CNTNAP2: variants seen among roughly 807,000 people sequenced by gnomAD.
CNTNAP2 encodes contactin-associated protein-like 2.
Under a neutral mutation model 155.2 loss-of-function variants are expected in CNTNAP2, and 98 were observed. The ratio of observed to expected loss-of-function variants is 0.63; its 90% CI spans 0.54 to 0.75. The LOEUF (loss-of-function observed/expected upper bound fraction) is 0.75, where lower values mean the gene tolerates loss of function less well. CNTNAP2 is among the 30% of genes least tolerant of loss of function. The probability of loss-of-function intolerance (pLI) is 0.00; values close to 1 mark genes in which losing one functional copy is unlikely to be tolerated. For synonymous variants in CNTNAP2, 651 were observed against 631.2 expected (o/e 1.03, Z -0.47); for missense variants, 1,727 against 1,688.1 (o/e 1.02, Z -0.40).
chr7:146,884,088 T>C (rs1197539342), intron 3 of CNTNAP2, among the ~76,000 whole-genome samples: 2 of 152,116 alleles, frequency 1.3e-5, no homozygotes, highest in Non-Finnish European at 2.9e-5. Context: ...TAATTGTCCC[T>C]GGGTATATGC....
intron 8 of CNTNAP2, among the ~76,000 whole-genome samples, chr7:147,148,389 CAAAAA>C (rs5888239): frequency 2.4e-5 from 2 of 81,712 alleles, no homozygotes; most frequent in Non-Finnish European, 4.8e-5. Context: ...GACTCCGTCT[CAAAAA>C]AAAAAAAAAA....
At chr7:148,255,910 C>T (rs1429238569) in intron 20 of CNTNAP2, among the ~76,000 whole-genome samples, 1 of 152,172 alleles carries the variant, frequency 6.6e-6, no homozygotes, top group African/African-American at 2.4e-5. Context: ...CTACCACTTC[C>T]AGTCCAGGAA....
intron 1 of CNTNAP2, among the ~76,000 whole-genome samples, chr7:146,664,332 T>A (rs2129166689): frequency 6.6e-6 from 1 of 152,022 alleles, no homozygotes; most frequent in Admixed American, 6.5e-5. Context: ...GGGCTAATTT[T>A]GTATTTTCAG....
chr7:146,966,872 G>A (rs1272976137), intron 3 of CNTNAP2, among the ~76,000 whole-genome samples: 13 of 152,156 alleles, frequency 8.5e-5, no homozygotes, highest in Admixed American at 7.9e-4. Flanking sequence ...TGTAAAAGAG[G>A]TATTTAATAG....
At chr7:147,367,329 C>T (rs935100112) in intron 9 of CNTNAP2, among the ~76,000 whole-genome samples, 62 of 152,106 alleles carry the variant, frequency 4.1e-4, no homozygotes, top group East Asian at 1.9e-4. Flanking sequence ...TTAATGAAAA[C>T]GAGTGTTTGG....
chr7:147,903,702 G>A lies in CNTNAP2; in HGVS notation c.2236G>A (p.Asp746Asn), dbSNP rs1345397568. Residue 746 changes from aspartate (D) to asparagine (N), a missense_variant, in exon 14 of 24, where the codon GAC becomes AAC. Asp to Asn is a conservative substitution (Grantham distance 23). Transcript: ENST00000361727. ...AGATCCCAAGTACTACTGTAACTGC[G>A]ACGCGGACTACAAGCAATGGTGAGT... Reference protein sequence around the residue: ...CTDPKYYCNCDADYKQWRKDA... With the variant: ...CTDPKYYCNCNADYKQWRKDA... 1.9e-6 allele frequency: 3 copies of A among 1,613,834 alleles called. No homozygotes were observed. The highest frequency in any genetic ancestry group is 2.2e-5 in the South Asian group (2 of 91,022).
At chr7:146,499,996 T>A in intron 1 of CNTNAP2, among the ~76,000 whole-genome samples, 1 of 152,284 alleles carries the variant, frequency 6.6e-6, no homozygotes, top group Non-Finnish European at 1.5e-5. Flanking sequence ...TAAGTAAAAA[T>A]TTTTATTAAT....
chr7:147,872,777 T>C (rs979383269), intron 13 of CNTNAP2, among the ~76,000 whole-genome samples: 16 of 152,316 alleles, frequency 1.1e-4, no homozygotes, highest in South Asian at 4.1e-4. Context: ...TACCACAGAA[T>C]CAAATATTCC....
At chr7:146,539,234 A>G (rs1284837027) in intron 1 of CNTNAP2, among the ~76,000 whole-genome samples, 1 of 152,032 alleles carries the variant, frequency 6.6e-6, no homozygotes, top group Non-Finnish European at 1.5e-5. Context: ...GTCCTTTTTC[A>G]CAACGCTATA....
intron 14 of CNTNAP2, among the ~76,000 whole-genome samples, chr7:147,951,391 T>G (rs1800927840): frequency 6.6e-6 from 1 of 152,148 alleles, no homozygotes; most frequent in Non-Finnish European, 1.5e-5. Flanking sequence ...TGACCATCAG[T>G]AGGCTTTATA....
At position 148,090,212 on chromosome 7, in the gene CNTNAP2, A is replaced by G. The variant is rs189108663; in HGVS notation, c.2384-27906A>G. The stretch of plus-strand genomic sequence containing the variant: ...TGGTCTGGGAAAAGATTTTTTGGCT[A>G]TGACCCCAAAAGCACAAGCAGCAAA... On this transcript the variant is annotated intron_variant, in intron 15 of 23. Transcript: ENST00000361727. Among the ~76,000 whole-genome samples the G allele has an allele frequency of 2.4e-3, 369 of 152,190 alleles. 1 individual carries two copies. Among genetic ancestry groups the G allele is most frequent in the Middle Eastern group, 3.4e-3 (1 of 294 alleles).
rs541206037 is a variant in CNTNAP2, at chr7:147,247,628, A to G, written c.1349-52513A>G. Among the ~76,000 whole-genome samples the G allele has an allele frequency of 1.4e-4, 21 of 152,346 alleles. No homozygotes were observed. The Middle Eastern group carries it at 0.01, about 74-fold the overall frequency. On this transcript the variant is annotated intron_variant, in intron 8 of 23. Transcript: ENST00000361727. ...AAACACTGAAGATAAAGATTGACTGATTACCACAGTGGACAGAGATACATT... is the reference window on the plus strand; with the variant it reads ...AAACACTGAAGATAAAGATTGACTGGTTACCACAGTGGACAGAGATACATT...
chr7:146,152,370 G>T (rs1270343123), intron 1 of CNTNAP2, among the ~76,000 whole-genome samples: 1 of 152,052 alleles, frequency 6.6e-6, no homozygotes, highest in Non-Finnish European at 1.5e-5. Flanking sequence ...GATGGTTGGG[G>T]TACTGTGGAG....
intron 17 of CNTNAP2, among the ~76,000 whole-genome samples, chr7:148,157,682 C>A (rs1805427133): frequency 6.6e-6 from 1 of 151,862 alleles, no homozygotes. Context: ...AAATTGGGGT[C>A]TTGCCTGTTT....
chr7:146,669,586 A>C (rs997179999), intron 1 of CNTNAP2, among the ~76,000 whole-genome samples: 1 of 152,254 alleles, frequency 6.6e-6, no homozygotes, highest in East Asian at 1.9e-4. Flanking sequence ...TGTGCTTTTT[A>C]AAATTTATCC....
intron 1 of CNTNAP2, among the ~76,000 whole-genome samples, chr7:146,138,352 T>C (rs1238296080): frequency 1.3e-5 from 2 of 152,142 alleles, no homozygotes; most frequent in Non-Finnish European, 2.9e-5. Context: ...TATCTCAAGA[T>C]TTTTTTAATT....
At chr7:147,564,571 T>G (rs1432622876) in intron 12 of CNTNAP2, among the ~76,000 whole-genome samples, 3 of 152,166 alleles carry the variant, frequency 2.0e-5, no homozygotes, top group African/African-American at 4.8e-5. Flanking sequence ...AATTAAGAAT[T>G]TATTTTAGTT....
intron 1 of CNTNAP2, among the ~76,000 whole-genome samples, chr7:146,366,003 T>C (rs910997162): frequency 2.0e-5 from 3 of 152,170 alleles, no homozygotes; most frequent in Non-Finnish European, 2.9e-5. Flanking sequence ...TCTATAATAA[T>C]GGGAGTATCC....
chr7:147,295,423 T>C (rs1019031137), intron 8 of CNTNAP2, among the ~76,000 whole-genome samples: 1 of 152,182 alleles, frequency 6.6e-6, no homozygotes, highest in African/African-American at 2.4e-5. Flanking sequence ...TGAGTTCAAA[T>C]TCTAACCTTT....
Sources: gnomAD v4.1 joint callset for allele counts (sites outside exome capture counted in the v4.1 genomes callset) on GRCh38, gnomAD v4.1.1 for gene constraint, MANE v1.5 for transcripts, NCBI Gene and HGNC (gene_info 2026-07-23, HGNC 2026-07-21) for gene names.